The following MRTFB variants were observed in gnomAD, a reference collection of about 807,000 sequenced individuals.
The protein encoded by MRTFB is myocardin-related transcription factor B.
MRTFB carries 29 observed loss-of-function variants against 104.2 expected under a neutral mutation model. The observed-to-expected ratio is 0.28, with a 90% CI of 0.21 to 0.38. The LOEUF (loss-of-function observed/expected upper bound fraction) is 0.38, where lower values mean the gene tolerates loss of function less well. Among genes scored for constraint, MRTFB ranks in the 10% least tolerant of loss-of-function variants. The pLI is 1.00. For synonymous variants in MRTFB, 535 were observed against 519.5 expected (o/e 1.03, Z -0.41); for missense variants, 1,270 against 1,341.6 (o/e 0.95, Z 0.83).
At chr16:14,219,041 T>C (rs1269730045) in intron 8 of MRTFB, 43 bp downstream of exon 8, 2 of 1,523,174 alleles carry the variant, frequency 1.3e-6, no homozygotes, top group South Asian at 1.3e-5. Context: ...AGAAAATGCC[T>C]TGTTTTTTTT....
At chr16:14,087,783 C>T (rs1218997316) in intron 2 of MRTFB, among the ~76,000 whole-genome samples, 1 of 152,176 alleles carries the variant, frequency 6.6e-6, no homozygotes, top group East Asian at 1.9e-4. Context: ...TTGAAACCAT[C>T]CCACTTCCTT....
Position 14,212,373 on chromosome 16 carries a change from A to G in MRTFB, c.240A>G (p.Ala80=), listed in dbSNP as rs749736152. 6 of 1,614,004 alleles carry G rather than the reference A, an allele frequency of 3.7e-6. No individual in the cohort carries two copies. The highest frequency in any genetic ancestry group is 5.1e-6 in the Non-Finnish European group (6 of 1,179,892). ...GIMPPLKSPA[A]FHEQIKSLER... is the part of the protein sequence containing the mutation. ...TCACAGCTTTGAAGAGCCCAGCGGC[A>G]TTCCATGAACAGATAAAAAGCTTGG... The change falls in exon 5 of 17, where the codon GCA becomes GCG. Residue 80 remains alanine (A), a synonymous_variant. Transcript: ENST00000571589.
chr16:14,019,883 G>A, the MRTFB span, among the ~76,000 whole-genome samples: 1 of 152,144 alleles, frequency 6.6e-6, no homozygotes, highest in African/African-American at 2.4e-5. Flanking sequence ...AGTAAGATGG[G>A]ACAAATAGAA....
chr16:14,104,642 T>C (rs2035876844), intron 2 of MRTFB, among the ~76,000 whole-genome samples: 1 of 152,196 alleles, frequency 6.6e-6, no homozygotes, highest in Non-Finnish European at 1.5e-5. Flanking sequence ...AAAATGAGAA[T>C]TGTTTTCGTT....
At chr16:14,140,429 T>A (rs1251750539) in intron 2 of MRTFB, 115 bp from the exon 3 acceptor site, 3 of 666,824 alleles carry the variant, frequency 4.5e-6, no homozygotes, top group Non-Finnish European at 4.9e-6. Flanking sequence ...AATGGATTAG[T>A]ATGACCATAC....
At chr16:14,209,602 T>C (rs761148501) in intron 3 of MRTFB, among the ~76,000 whole-genome samples, 1 of 152,206 alleles carries the variant, frequency 6.6e-6, no homozygotes, top group Non-Finnish European at 1.5e-5. Flanking sequence ...AATGTATATC[T>C]TGTTCTCTGC....
chr16:14,106,250 G>A (rs1224236971), intron 2 of MRTFB, among the ~76,000 whole-genome samples: 1 of 152,164 alleles, frequency 6.6e-6, no homozygotes, highest in African/African-American at 2.4e-5. Flanking sequence ...AGGTGCAGTG[G>A]GAGTGCTGCT....
chr16:14,136,135 C>T (rs2037708219), intron 2 of MRTFB, among the ~76,000 whole-genome samples: 1 of 151,826 alleles, frequency 6.6e-6, no homozygotes, highest in African/African-American at 2.4e-5. Context: ...ATTAGCCGGG[C>T]GTGGTGGTGG....
chr16:14,178,502 A>G (rs148852112), intron 3 of MRTFB, among the ~76,000 whole-genome samples: 1 of 152,250 alleles, frequency 6.6e-6, no homozygotes, highest in African/African-American at 2.4e-5. Flanking sequence ...GTTATTCTCT[A>G]CCTTTGCCGT....
At chr16:14,024,971 C>A in the MRTFB span, among the ~76,000 whole-genome samples, 4 of 152,232 alleles carry the variant, frequency 2.6e-5, no homozygotes, top group South Asian at 6.2e-4. Context: ...GATTTCCAAG[C>A]AAATGGGATT....
rs140275336 is a variant in MRTFB, at chr16:14,140,633, C to T, written c.27C>T (p.Thr9=). Residue 9 remains threonine, a synonymous_variant, in exon 3 of 17, where the codon ACC becomes ACT. Transcript: ENST00000571589. The stretch of plus-strand genomic sequence containing the variant: ...TGGATCACACAGGGGCGATAGACAC[C>T]GAGGATGAAGTGGGACCTTTAGCCC... MDHTGAID[T]EDEVGPLAHL... The T allele has an allele frequency of 3.9e-3, 6,371 of 1,614,112 alleles. 27 individuals carry two copies. The highest frequency in any genetic ancestry group is 4.3e-3 in the Non-Finnish European group (5,116 of 1,180,012).
intron 12 of MRTFB, 95 bp downstream of exon 12, chr16:14,247,602 G>A: frequency 8.7e-7 from 1 of 1,154,588 alleles, no homozygotes; most frequent in Non-Finnish European, 1.2e-6. Context: ...TTCCATAAAT[G>A]CGTCCAGAGC....
Position 14,097,189 on chromosome 16 carries a change from C to G in MRTFB, c.-64+17835C>G, listed in dbSNP as rs137971480. ...TGACCATTCTGCATGAAATCCAGCA[C>G]TTACAACAATGCCAGACATAGAGTA... On this transcript the variant is annotated intron_variant, in intron 2 of 16. Coordinates refer to ENST00000571589, the MANE Select transcript of MRTFB (RefSeq NM_001308142.2). 1.9e-3 allele frequency among the ~76,000 whole-genome samples: 285 copies of G among 152,338 alleles called. 2 individuals are homozygous for G. The highest frequency in any genetic ancestry group is 6.5e-3 in the African/African-American group (271 of 41,590).
chr16:14,049,508 A>G, the MRTFB span, among the ~76,000 whole-genome samples: 1 of 152,236 alleles, frequency 6.6e-6, no homozygotes, highest in African/African-American at 2.4e-5. Flanking sequence ...TTCCAGATTA[A>G]ATGTGAGTGA....
At chr16:14,092,589 A>C (rs1022602341) in intron 2 of MRTFB, 1 of 152,084 alleles carries the variant, frequency 6.6e-6, no homozygotes, top group African/African-American at 2.4e-5. Context: ...CCTGCCAATG[A>C]TTTTTTTAAA....
At chr16:14,006,233 C>T in the MRTFB span, among the ~76,000 whole-genome samples, 140 of 152,136 alleles carry the variant, frequency 9.2e-4, 1 homozygote, top group Middle Eastern at 3.4e-3. Context: ...ATCCCAGCTA[C>T]TTGGGAGGCT....
intron 10 of MRTFB, chr16:14,240,878 G>A (rs1016713509): frequency 9.6e-6 from 6 of 623,650 alleles, no homozygotes; most frequent in Non-Finnish European, 1.7e-5. Flanking sequence ...AAGCCTGGTG[G>A]AAAAGACAGG....
the MRTFB span, among the ~76,000 whole-genome samples, chr16:14,025,543 A>T: frequency 1.3e-5 from 2 of 152,132 alleles, no homozygotes; most frequent in African/African-American, 2.4e-5. Flanking sequence ...CCCTAGTCTG[A>T]CTTAAGGTAG....
chr16:14,252,128 A>G (rs927532685), intron 14 of MRTFB, 105 bp downstream of exon 14: 79 of 1,333,618 alleles, frequency 5.9e-5, no homozygotes, highest in Non-Finnish European at 7.6e-5. Flanking sequence ...ATGGGATAAA[A>G]TTGTTGAAAA....
Sources: gnomAD v4.1 joint callset for allele counts (sites outside exome capture counted in the v4.1 genomes callset) on GRCh38, gnomAD v4.1.1 for gene constraint, MANE v1.5 for transcripts, NCBI Gene and HGNC (gene_info 2026-07-23, HGNC 2026-07-21) for gene names.